Variants in CDYL2 observed in about 807,000 individuals in gnomAD.
CDYL2 encodes chromodomain Y like 2, also known as chromodomain Y-like protein 2.
CDYL2 carries 23 observed loss-of-function variants against 49.4 expected under a neutral mutation model. The observed-to-expected ratio is 0.47, with a 90% CI of 0.34 to 0.66. The LOEUF is 0.66. Among genes scored for constraint, CDYL2 ranks in the 30% least tolerant of loss-of-function variants. The pLI is 0.01. For synonymous variants in CDYL2, 360 were observed against 268.8 expected, an observed-to-expected ratio of 1.34 and a Z score of -3.32; for missense variants, 678 against 656.4, an observed-to-expected ratio of 1.03 and a Z score of -0.36.
intron 1 of CDYL2, among the ~76,000 whole-genome samples, chr16:80,764,929 T>C (rs372222481): frequency 6.6e-6 from 1 of 150,538 alleles, no homozygotes; most frequent in Non-Finnish European, 1.5e-5. Flanking sequence ...GTGCAGTGGT[T>C]GGCGCCTGTA....
chr16:80,611,788 C>A (rs577486266), intron 5 of CDYL2, among the ~76,000 whole-genome samples: 2 of 152,342 alleles, frequency 1.3e-5, no homozygotes, highest in East Asian at 3.9e-4. Context: ...CAGCCCAGCA[C>A]ACAGCAAGTG....
At chr16:80,647,321 A>C (rs1351676852) in intron 2 of CDYL2, among the ~76,000 whole-genome samples, 1 of 152,174 alleles carries the variant, frequency 6.6e-6, no homozygotes, top group East Asian at 1.9e-4. Flanking sequence ...CCCTCTCAAA[A>C]TACCAATAAT....
intron 2 of CDYL2, among the ~76,000 whole-genome samples, chr16:80,643,624 C>A (rs1337851771): frequency 1.3e-5 from 2 of 152,240 alleles, no homozygotes; most frequent in Non-Finnish European, 2.9e-5. Context: ...GTTCTAAACT[C>A]CAGTTCTTGA....
intron 1 of CDYL2, among the ~76,000 whole-genome samples, chr16:80,790,001 T>A (rs1029384936): frequency 6.6e-6 from 1 of 152,218 alleles, no homozygotes; most frequent in Non-Finnish European, 1.5e-5. Context: ...CCCACCACTA[T>A]ACATGTAATA....
chr16:80,803,413 C>T (rs1198182206), intron 1 of CDYL2, among the ~76,000 whole-genome samples: 1 of 152,162 alleles, frequency 6.6e-6, no homozygotes, highest in Non-Finnish European at 1.5e-5. Flanking sequence ...CGTTCTCCTC[C>T]CACCCAGGGC....
intron 2 of CDYL2, among the ~76,000 whole-genome samples, chr16:80,675,352 T>C (rs1261631637): frequency 6.6e-6 from 1 of 152,236 alleles, no homozygotes; most frequent in Non-Finnish European, 1.5e-5. Flanking sequence ...CCAGGTAACC[T>C]TGTTATGTTG....
At chr16:80,752,890 A>C (rs1330799710) in intron 1 of CDYL2, among the ~76,000 whole-genome samples, 1 of 152,226 alleles carries the variant, frequency 6.6e-6, no homozygotes, top group Non-Finnish European at 1.5e-5. Flanking sequence ...AACCAGAGGG[A>C]ATTCCTCAGG....
At chr16:80,668,509 T>C (rs1468086986) in intron 2 of CDYL2, among the ~76,000 whole-genome samples, 2 of 151,336 alleles carry the variant, frequency 1.3e-5, no homozygotes, top group African/African-American at 4.8e-5. Flanking sequence ...TTAATATATA[T>C]AAATACATAT....
intron 1 of CDYL2, among the ~76,000 whole-genome samples, chr16:80,709,634 G>A (rs953593813): frequency 4.0e-5 from 6 of 151,702 alleles, no homozygotes; most frequent in Non-Finnish European, 7.4e-5. Context: ...TTCACCAAGC[G>A]AGTGTGTTCT....
chr16:80,654,071 G>A lies in CDYL2; in HGVS notation c.617-20835C>T, dbSNP rs535995210. On this transcript the variant is annotated intron_variant, in intron 2 of 6. Coordinates refer to ENST00000570137, the MANE Select transcript of CDYL2 (RefSeq NM_152342.4). Reference sequence around the variant, plus strand: ...TGCCAATGAAGTGAGTGACTGCCCCGTGCAGGATGGAGCCACATCTCACGA... The same window carrying A: ...TGCCAATGAAGTGAGTGACTGCCCCATGCAGGATGGAGCCACATCTCACGA... 1.4e-4 allele frequency among the ~76,000 whole-genome samples: 22 copies of A among 152,308 alleles called. No homozygotes were observed. The South Asian group carries it at 1.5e-3, about 10-fold the overall frequency.
chr16:80,766,517 G>C (rs1906730990), intron 1 of CDYL2, among the ~76,000 whole-genome samples: 1 of 152,028 alleles, frequency 6.6e-6, no homozygotes, highest in Non-Finnish European at 1.5e-5. Context: ...CACCTTTCTA[G>C]GGGAAAAAAG....
chr16:80,783,246 C>T (rs1473533420), intron 1 of CDYL2, among the ~76,000 whole-genome samples: 2 of 152,050 alleles, frequency 1.3e-5, no homozygotes, highest in African/African-American at 2.4e-5. Flanking sequence ...ATACAGATGG[C>T]TAATAAGCAT....
chr16:80,687,567 T>C lies in CDYL2; in HGVS notation c.25-2438A>G, dbSNP rs577502010. The stretch of plus-strand genomic sequence containing the variant: ...ATAGATGGATGGATGGCTGGCTGGC[T>C]GGCTGGATGGATGGATGGACAGATG... On this transcript the variant is annotated intron_variant, in intron 1 of 6. Transcript: ENST00000570137. Among the ~76,000 whole-genome samples, 12 of 152,146 alleles carry C rather than the reference T, an allele frequency of 7.9e-5. No homozygotes were observed. The South Asian group carries it at 2.3e-3, about 29-fold the overall frequency.
intron 1 of CDYL2, among the ~76,000 whole-genome samples, chr16:80,785,944 C>T (rs139665077): frequency 0.01 from 1,557 of 152,280 alleles, 12 homozygotes; most frequent in South Asian, 0.028. Context: ...CTTCCTTACA[C>T]CTTATACAAA....
chr16:80,684,014 G>C (rs1396211044), intron 2 of CDYL2, among the ~76,000 whole-genome samples: 2 of 152,218 alleles, frequency 1.3e-5, no homozygotes, highest in Non-Finnish European at 2.9e-5. Flanking sequence ...AGAAGGACAA[G>C]AGGCTCCAGC....
intron 1 of CDYL2, among the ~76,000 whole-genome samples, chr16:80,765,561 G>C (rs1010206616): frequency 2.0e-5 from 3 of 151,770 alleles, no homozygotes; most frequent in African/African-American, 7.3e-5. Flanking sequence ...CAGTTCCTAG[G>C]TATAAACCTA....
intron 1 of CDYL2, among the ~76,000 whole-genome samples, chr16:80,724,882 G>A (rs1905115070): frequency 6.6e-6 from 1 of 152,164 alleles, no homozygotes; most frequent in African/African-American, 2.4e-5. Flanking sequence ...GCTCTTCATA[G>A]GGTGGCCAGG....
intron 2 of CDYL2, among the ~76,000 whole-genome samples, chr16:80,636,841 G>C (rs1477263410): frequency 1.3e-5 from 2 of 152,180 alleles, no homozygotes; most frequent in East Asian, 3.8e-4. Context: ...AAGAAAATGT[G>C]GCACATATAT....
intron 1 of CDYL2, among the ~76,000 whole-genome samples, chr16:80,741,122 A>C (rs114842680): frequency 0.014 from 2,145 of 150,692 alleles, 45 homozygotes; most frequent in African/African-American, 0.048. Context: ...TAGACAAAAA[A>C]CCAAATTGCA....
Sources: allele counts gnomAD v4.1 joint callset (sites outside exome capture counted in the v4.1 genomes callset), GRCh38; gene constraint gnomAD v4.1.1; transcripts MANE v1.5; gene names NCBI Gene and HGNC (gene_info 2026-07-23, HGNC 2026-07-21).